The following UPRT variants were observed in gnomAD, a reference collection of about 807,000 sequenced individuals.
UPRT encodes RP11-311P8.3.
Under a neutral mutation model 22.6 loss-of-function variants are expected in UPRT, and 5 were observed. The observed-to-expected ratio is 0.22, with a 90% CI of 0.12 to 0.47. The LOEUF (loss-of-function observed/expected upper bound fraction) is 0.47. Among genes scored for constraint, UPRT ranks in the 20% least tolerant of loss-of-function variants. The probability of loss-of-function intolerance (pLI) is 0.99; values close to 1 mark genes in which losing one functional copy is unlikely to be tolerated. For missense variants in UPRT, 181 were observed against 239.9 expected (o/e 0.75, Z 1.62); for synonymous variants, 77 against 87.7 (o/e 0.88, Z 0.68).
rs904536517 is a variant in UPRT, at chrX:75,156,425, T to C, written c.-862T>C. On this transcript the variant is annotated 5_prime_UTR_variant, in exon 1 of 14. Transcript: ENST00000652605. ...AAGATTCGGATGCATTCGCACAGCCTCTTTTATTTGTTTTTCCTTAGGGCC... is the reference window on the plus strand; with the variant it reads ...AAGATTCGGATGCATTCGCACAGCCCCTTTTATTTGTTTTTCCTTAGGGCC... The C allele has an allele frequency of 1.8e-5, 11 of 620,838 alleles. No homozygotes were observed. In the African/African-American group the frequency reaches 2.2e-4, roughly 13 times the overall value. 51.2% of individuals were successfully genotyped at this position (620,838 alleles called of 1,213,427 possible). A position where few individuals can be genotyped will look rare whatever the true frequency, so the allele number is the denominator to read the frequency against.
intron 4 of UPRT, among the ~76,000 whole-genome samples, chrX:75,189,464 TTGGGGTGGAG>T (rs2082307241): frequency 8.9e-6 from 1 of 112,118 alleles, no homozygotes; most frequent in Non-Finnish European, 1.9e-5. Flanking sequence ...TTCTGTTGAT[TTGGGGTGGAG>T]AGTTCTGTAG....
At chrX:75,204,567 G>A (rs1242567090) in intron 4 of UPRT, among the ~76,000 whole-genome samples, 1 of 112,317 alleles carries the variant, frequency 8.9e-6, no homozygotes, top group Non-Finnish European at 1.9e-5. Flanking sequence ...CTGTTAACAA[G>A]GGTAACCCCT....
In UPRT at chrX:75,299,847, C is replaced by T; in HGVS notation, c.675C>T (p.Phe225=). Residue 225 remains phenylalanine, a synonymous_variant, in exon 5 of 7, where the codon TTC becomes TTT. Transcript: ENST00000373383. The part of the protein sequence containing the change: ...TQRAKVYYAK[F]PPDIYRRKVL... Reference sequence around the variant, plus strand: ...GAGCCAAAGTATATTATGCCAAATTCCCCCCAGACATTTACCGGAGAAAAG... The same window carrying T: ...GAGCCAAAGTATATTATGCCAAATTTCCCCCAGACATTTACCGGAGAAAAG... The T allele has an allele frequency of 2.5e-6, 3 of 1,211,173 alleles. No individual in the cohort carries two copies. The highest frequency in any genetic ancestry group is 3.4e-6 in the Non-Finnish European group (3 of 895,189).
upstream of UPRT, chrX:75,273,965 G>A (rs775163122): frequency 5.0e-5 from 14 of 277,432 alleles, no homozygotes; most frequent in South Asian, 1.9e-3. Context: ...CTACCTGTGG[G>A]AACCCACGTA....
At chrX:75,247,050 T>C (rs1426944373) in intron 4 of UPRT, among the ~76,000 whole-genome samples, 1 of 112,009 alleles carries the variant, frequency 8.9e-6, no homozygotes, top group Non-Finnish European at 1.9e-5. Flanking sequence ...GTTATCCCTC[T>C]TTTAAAAGGG....
chrX:75,179,345 C>G (rs770267537), intron 4 of UPRT, among the ~76,000 whole-genome samples: 14 of 112,541 alleles, frequency 1.2e-4, no homozygotes, highest in African/African-American at 4.5e-4. Context: ...TTGGTGCACT[C>G]ACAAACCTTG....
chrX:75,169,666 T>G (rs1015401878), intron 4 of UPRT, among the ~76,000 whole-genome samples: 1 of 111,979 alleles, frequency 8.9e-6, no homozygotes, highest in Non-Finnish European at 1.9e-5. Flanking sequence ...TTTCTTAAAT[T>G]TATTAAGACT....
chrX:75,192,830 C>T (rs1236343898), intron 4 of UPRT, among the ~76,000 whole-genome samples: 1 of 111,792 alleles, frequency 8.9e-6, no homozygotes, highest in African/African-American at 3.3e-5. Context: ...TTCTCCATTC[C>T]TTTACTTTGA....
chrX:75,162,967 A>G (rs929352258), intron 2 of UPRT, among the ~76,000 whole-genome samples: 6 of 111,731 alleles, frequency 5.4e-5, no homozygotes, highest in African/African-American at 2.0e-4. Flanking sequence ...TTATTATCTC[A>G]CTATTTCTGT....
intron 4 of UPRT, among the ~76,000 whole-genome samples, chrX:75,267,568 AG>A (rs2082594429): frequency 8.9e-6 from 1 of 112,096 alleles, no homozygotes; most frequent in Non-Finnish European, 1.9e-5. Flanking sequence ...TAGAACTTAA[AG>A]TATAAAAAAA....
chrX:75,272,301 T>TATATATATATAC (rs1569279382), upstream of UPRT, among the ~76,000 whole-genome samples: 8 of 16,001 alleles, frequency 5.0e-4, no homozygotes, highest in Non-Finnish European at 9.4e-4. Flanking sequence ...TATATATGTG[T>TATATATATATAC]ATATATATGT....
chrX:75,208,838 G>T (rs747090612), intron 4 of UPRT, among the ~76,000 whole-genome samples: 1 of 111,743 alleles, frequency 8.9e-6, no homozygotes, highest in Non-Finnish European at 1.9e-5. Flanking sequence ...GGGATGTGAT[G>T]TGTGGCTATT....
At chrX:75,285,464 C>T (rs1001837735) in intron 1 of UPRT, 5 of 111,848 alleles carry the variant, frequency 4.5e-5, no homozygotes, top group Non-Finnish European at 9.4e-5. Context: ...CTTCCAGGGC[C>T]TTTCTGCTGC....
chrX:75,258,193 G>GTTT (rs140894142), intron 4 of UPRT, among the ~76,000 whole-genome samples: 9 of 79,897 alleles, frequency 1.1e-4, no homozygotes, highest in East Asian at 9.2e-4. Context: ...AGCTGCAGGT[G>GTTT]TTTTTTTTTT....
intron 1 of UPRT, among the ~76,000 whole-genome samples, chrX:75,281,204 C>T (rs936941427): frequency 9.0e-6 from 1 of 111,325 alleles, no homozygotes; most frequent in Non-Finnish European, 1.9e-5. Context: ...ATCATATCCT[C>T]AGCAAACAGT....
At chrX:75,283,307 A>G (rs2082666411) in intron 1 of UPRT, among the ~76,000 whole-genome samples, 2 of 110,670 alleles carry the variant, frequency 1.8e-5, no homozygotes, top group South Asian at 7.6e-4. Context: ...GTTCTGTTGC[A>G]TTGATTGTGC....
At chrX:75,156,704 T>A (rs2082181040) in intron 1 of UPRT, 2 of 336,305 alleles carry the variant, frequency 5.9e-6, no homozygotes, top group Middle Eastern at 8.6e-4. Context: ...CCATTTTCCC[T>A]ATGCATATTC....
At chrX:75,186,886 T>A (rs1415176787) in intron 4 of UPRT, among the ~76,000 whole-genome samples, 5 of 111,678 alleles carry the variant, frequency 4.5e-5, no homozygotes, top group African/African-American at 1.6e-4. Context: ...TAGATCTTCC[T>A]CCATCCCTTT....
intron 4 of UPRT, among the ~76,000 whole-genome samples, chrX:75,185,767 T>G (rs1247644901): frequency 2.1e-4 from 23 of 111,988 alleles, no homozygotes; most frequent in African/African-American, 6.8e-4. Flanking sequence ...TATGTGTCGA[T>G]GAATTTATCC....
Sources: allele counts gnomAD v4.1 joint callset (sites outside exome capture counted in the v4.1 genomes callset), GRCh38; gene constraint gnomAD v4.1.1; transcripts MANE v1.5; gene names NCBI Gene and HGNC (gene_info 2026-07-23, HGNC 2026-07-21).